RPGRIP1L: variants seen among roughly 807,000 people sequenced by gnomAD.
RPGRIP1L encodes protein fantom.
A neutral mutation model predicts 160.4 loss-of-function variants in RPGRIP1L; 131 were observed. That is an observed-to-expected ratio of 0.82 (90% CI 0.71 to 0.94). RPGRIP1L has a LOEUF of 0.94. RPGRIP1L is among the 40% of genes least tolerant of loss of function. The pLI is 0.00. For missense variants in RPGRIP1L, 1,522 were observed against 1,535.8 expected, an observed-to-expected ratio of 0.99 and a Z score of 0.15; for synonymous variants, 510 against 515.8, an observed-to-expected ratio of 0.99 and a Z score of 0.15.
chr16:53,674,026 A>T (rs1277794739), intron 7 of RPGRIP1L, among the ~76,000 whole-genome samples: 2 of 152,192 alleles, frequency 1.3e-5, no homozygotes, highest in African/African-American at 4.8e-5. Context: ...ATGGCTTTCA[A>T]CTACAGGGAT....
At chr16:53,649,166 AG>A (rs761048926) in intron 15 of RPGRIP1L, 51 bp from the exon 16 acceptor site, 5 of 1,496,824 alleles carry the variant, frequency 3.3e-6, no homozygotes, top group Non-Finnish European at 4.7e-6. Context: ...ACATTAAAAT[AG>A]ATAGCAGTAA....
intron 7 of RPGRIP1L, among the ~76,000 whole-genome samples, chr16:53,674,117 A>G (rs1488479535): frequency 6.6e-6 from 1 of 152,104 alleles, no homozygotes; most frequent in Non-Finnish European, 1.5e-5. Flanking sequence ...ACAAACTCTC[A>G]TATTTATGCA....
At chr16:53,615,050 C>T (rs1380726767) in intron 24 of RPGRIP1L, among the ~76,000 whole-genome samples, 1 of 152,188 alleles carries the variant, frequency 6.6e-6, no homozygotes, top group African/African-American at 2.4e-5. Flanking sequence ...GAGTAATCAT[C>T]TGTATCATCC....
intron 4 of RPGRIP1L, among the ~76,000 whole-genome samples, chr16:53,690,187 G>T (rs1970287716): frequency 6.6e-6 from 1 of 152,050 alleles, no homozygotes; most frequent in African/African-American, 2.4e-5. Flanking sequence ...TGTAAAATCT[G>T]GGCATTATAG....
intron 22 of RPGRIP1L, among the ~76,000 whole-genome samples, chr16:53,623,597 C>T (rs1598256557): frequency 6.6e-6 from 1 of 152,188 alleles, no homozygotes; most frequent in Non-Finnish European, 1.5e-5. Context: ...GAAATCTTTT[C>T]CATCAGAATT....
At chr16:53,670,845 AGCACTTTCG>A (rs1968656491) in intron 9 of RPGRIP1L, among the ~76,000 whole-genome samples, 1 of 152,196 alleles carries the variant, frequency 6.6e-6, no homozygotes, top group Non-Finnish European at 1.5e-5. Flanking sequence ...CTGTAATCTC[AGCACTTTCG>A]GAGGCTGAGG....
chr16:53,626,145 T>TAAA (rs760491478), intron 22 of RPGRIP1L, among the ~76,000 whole-genome samples: 878 of 60,426 alleles, frequency 0.015, 16 homozygotes, highest in African/African-American at 0.049. Flanking sequence ...CAATAAATAC[T>TAAA]AAAAAAAAAA....
At chr16:53,637,648 A>G in intron 21 of RPGRIP1L, 47 bp downstream of exon 21, 1 of 1,563,610 alleles carries the variant, frequency 6.4e-7, no homozygotes, top group Non-Finnish European at 8.7e-7. Flanking sequence ...CAGATAAAAC[A>G]AAGCACAGGG....
intron 6 of RPGRIP1L, among the ~76,000 whole-genome samples, chr16:53,682,109 T>C (rs1969655347): frequency 6.6e-6 from 1 of 152,218 alleles, no homozygotes; most frequent in East Asian, 1.9e-4. Flanking sequence ...TTTAAGCTAT[T>C]TCCTCAATTT....
At chr16:53,623,508 C>T (rs2150979923) in intron 22 of RPGRIP1L, among the ~76,000 whole-genome samples, 1 of 152,320 alleles carries the variant, frequency 6.6e-6, no homozygotes, top group East Asian at 1.9e-4. Context: ...TTCCTATTGC[C>T]TTACACTCTA....
rs1286952124 is a variant in RPGRIP1L at position 53,602,041 on chromosome 16, C to T, written c.*35G>A. ...GTAGGAACTTTCATGTGAGCATTTA[C>T]TGAGGAGTAGGAGATGCCTCTGGAG... On this transcript the variant is annotated 3_prime_UTR_variant, in exon 27 of 27. Transcript: ENST00000647211. 1 of 1,204,866 alleles carries T rather than the reference C, an allele frequency of 8.3e-7. No homozygotes were observed. The highest frequency in any genetic ancestry group is 1.7e-5 in the Admixed American group (1 of 58,580). 74.6% of individuals were successfully genotyped at this position (1,204,866 alleles called of 1,614,324 possible).
rs758304677 is a variant in RPGRIP1L, at chr16:53,652,802, G to GCT, written c.1883_1884dup (p.Pro629SerfsTer20). The GCT allele has an allele frequency of 6.2e-7, 1 of 1,614,022 alleles. No individual in the cohort carries two copies. The highest frequency in any genetic ancestry group is 1.1e-5 in the South Asian group (1 of 91,064). ...AAAGCATAGGTACAGAAAGTGACAG[G>GCT]CTCTTTATCTCCAGATGCCTGTAAA... On this transcript the variant is annotated frameshift_variant, in exon 15 of 27. Coordinates refer to ENST00000647211, the MANE Select transcript of RPGRIP1L (RefSeq NM_015272.5). LOFTEE classifies it high-confidence loss of function.
chr16:53,690,673 T>C (rs1970324911), intron 4 of RPGRIP1L, among the ~76,000 whole-genome samples: 1 of 152,184 alleles, frequency 6.6e-6, no homozygotes, highest in South Asian at 2.1e-4. Flanking sequence ...TTAGAGATCA[T>C]CTTGCCCAGT....
intron 1 of RPGRIP1L, among the ~76,000 whole-genome samples, chr16:53,701,164 CAG>C (rs1191761090): frequency 2.0e-5 from 3 of 152,264 alleles, no homozygotes; most frequent in Non-Finnish European, 2.9e-5. Context: ...ATACCTATCT[CAG>C]AGAGTTATTC....
intron 7 of RPGRIP1L, among the ~76,000 whole-genome samples, chr16:53,673,993 T>C (rs571931679): frequency 1.3e-5 from 2 of 152,320 alleles, no homozygotes; most frequent in Admixed American, 6.5e-5. Context: ...TTTCAATTCC[T>C]TTCTTAATTC....
At position 53,622,304 on chromosome 16, in the gene RPGRIP1L, C is replaced by T. The variant is rs1964782738; in HGVS notation, c.3347G>A (p.Cys1116Tyr). 1.1e-5 allele frequency: 7 copies of T among 650,886 alleles called. No homozygotes were observed. The highest frequency in any genetic ancestry group is 2.0e-5 in the Non-Finnish European group (7 of 353,910). The allele number at this position is 650,886 out of a possible 1,614,324, so 40.3% of individuals were successfully genotyped here. A position where few individuals can be genotyped will look rare whatever the true frequency, so the allele number is the denominator to read the frequency against. Residue 1116 changes from cysteine (C) to tyrosine (Y), a missense_variant, in exon 23 of 27, where the codon TGC becomes TAC. Transcript: ENST00000647211. ...GCTGGAACCCGGGAGGCGGAAGTTGCAGTGAGCTGAGATCGCGCTACTGCA... is the reference window on the plus strand; with the variant it reads ...GCTGGAACCCGGGAGGCGGAAGTTGTAGTGAGCTGAGATCGCGCTACTGCA... ...LGCSSAISAHCNFRLPGSSDF... is the reference protein window; with the variant it reads ...LGCSSAISAHYNFRLPGSSDF...
At chr16:53,679,350 G>C (rs1185943854) in intron 6 of RPGRIP1L, among the ~76,000 whole-genome samples, 1 of 152,034 alleles carries the variant, frequency 6.6e-6, no homozygotes, top group African/African-American at 2.4e-5. Flanking sequence ...TTACGGTCAA[G>C]TTTAATGGAT....
chr16:53,681,733 C>A (rs1969625324), intron 6 of RPGRIP1L, among the ~76,000 whole-genome samples: 1 of 152,138 alleles, frequency 6.6e-6, no homozygotes, highest in Admixed American at 6.6e-5. Context: ...GATGCCAAAC[C>A]AAACTGGTCT....
chr16:53,624,105 TG>T (rs1288894729), intron 22 of RPGRIP1L, among the ~76,000 whole-genome samples: 1 of 152,126 alleles, frequency 6.6e-6, no homozygotes, highest in African/African-American at 2.4e-5. Flanking sequence ...TTGCCCGGAC[TG>T]GTCTCAAACT....
Sources: gnomAD v4.1 joint callset for allele counts (sites outside exome capture counted in the v4.1 genomes callset) on GRCh38, gnomAD v4.1.1 for gene constraint, MANE v1.5 for transcripts, NCBI Gene and HGNC (gene_info 2026-07-23, HGNC 2026-07-21) for gene names.